Variants in WDR17 observed in about 807,000 individuals in gnomAD.
The protein encoded by WDR17 is WD repeat-containing protein 17.
WDR17 carries 143 observed loss-of-function variants against 161.7 expected under a neutral mutation model. The ratio of observed to expected loss-of-function variants is 0.88; its 90% confidence interval spans 0.77 to 1.02. WDR17 has a LOEUF of 1.02. Ranked by LOEUF, WDR17 falls within the 50% of genes least tolerant of loss-of-function variation. The probability of loss-of-function intolerance (pLI) is 0.00; values close to 1 mark genes in which losing one functional copy is unlikely to be tolerated. For missense variants in WDR17, 1,469 were observed against 1,520.9 expected, an observed-to-expected ratio of 0.97 and a Z score of 0.57; for synonymous variants, 517 against 515.6, an observed-to-expected ratio of 1.00 and a Z score of -0.04.
At position 176,137,530 on chromosome 4, in the gene WDR17, T is replaced by C; in HGVS notation, c.1278T>C (p.Asn426=). The part of the protein sequence containing the change: ...YSLSWAPGGL[N]CIAGGTSRNG... ...AAATTGTTTCCTAAGGTGGTTTAAA[T>C]TGTATTGCTGGGGGAACTTCCCGAA... Residue 426 remains asparagine, a synonymous_variant, in exon 9 of 29, where the codon AAT becomes AAC. Transcript: ENST00000508596. 1 of 1,602,502 alleles carries C rather than the reference T, an allele frequency of 6.2e-7. No homozygotes were observed. Among genetic ancestry groups the C allele is most frequent in the Non-Finnish European group, 8.5e-7 (1 of 1,172,608 alleles).
intron 7 of WDR17, 90 bp from the exon 8 acceptor site, chr4:176,135,018 C>A: frequency 7.6e-7 from 1 of 1,308,272 alleles, no homozygotes; most frequent in South Asian, 1.3e-5. Flanking sequence ...AAACCGTATA[C>A]ATGTGTCAAT....
At chr4:176,137,262 G>T (rs1344836116) in intron 8 of WDR17, among the ~76,000 whole-genome samples, 1 of 151,454 alleles carries the variant, frequency 6.6e-6, no homozygotes, top group Non-Finnish European at 1.5e-5. Flanking sequence ...TGCTGTCAGA[G>T]ATTTACTCCA....
At chr4:176,141,853 T>G (rs1202484359) in intron 10 of WDR17, 130 bp from the exon 11 acceptor site, 1 of 699,804 alleles carries the variant, frequency 1.4e-6, no homozygotes, top group Non-Finnish European at 2.3e-6. Context: ...TTTCAAATGT[T>G]CTTTTTGCTT....
chr4:176,111,741 G>T, intron 2 of WDR17, 38 bp downstream of exon 2: 1 of 1,480,554 alleles, frequency 6.8e-7, no homozygotes, highest in Non-Finnish European at 9.0e-7. Flanking sequence ...AATTATATCC[G>T]GTAAAATTAA....
intron 1 of WDR17, among the ~76,000 whole-genome samples, chr4:176,110,122 C>T (rs1739453110): frequency 6.6e-6 from 1 of 151,896 alleles, no homozygotes; most frequent in Non-Finnish European, 1.5e-5. Flanking sequence ...TTAGGAGCTC[C>T]TCTCTTTATT....
At chr4:176,165,694 C>G (rs1749674202) in intron 22 of WDR17, among the ~76,000 whole-genome samples, 1 of 152,108 alleles carries the variant, frequency 6.6e-6, no homozygotes, top group Admixed American at 6.6e-5. Context: ...AGTGGGTCAT[C>G]ATAAAGGTCT....
intron 11 of WDR17, among the ~76,000 whole-genome samples, chr4:176,145,658 AT>A (rs1490618549): frequency 6.6e-6 from 1 of 152,244 alleles, no homozygotes; most frequent in Non-Finnish European, 1.5e-5. Flanking sequence ...GTGTTGCAGA[AT>A]GTAAAGTTTG....
At chr4:176,071,330 C>T (rs1303952562) in intron 1 of WDR17, among the ~76,000 whole-genome samples, 2 of 143,570 alleles carry the variant, frequency 1.4e-5, no homozygotes, top group African/African-American at 5.1e-5. Flanking sequence ...TTTCTTTTCT[C>T]TTTTTTTTTT....
intron 6 of WDR17, 27 bp from the exon 7 acceptor site, chr4:176,131,527 A>G (rs759382985): frequency 3.2e-6 from 5 of 1,576,746 alleles, no homozygotes; most frequent in Middle Eastern, 1.7e-4. Flanking sequence ...TTTCATTCCA[A>G]TAGGATTTTT....
chr4:176,148,809 T>A (rs1273799926), intron 13 of WDR17, among the ~76,000 whole-genome samples: 1 of 152,246 alleles, frequency 6.6e-6, no homozygotes, highest in Admixed American at 6.5e-5. Flanking sequence ...CCCGTTTTTT[T>A]AATATAATTA....
Position 176,124,691 on chromosome 4 carries a change from GC to G in WDR17, c.539-412del, listed in dbSNP as rs1241481145. Among the ~76,000 whole-genome samples the G allele has an allele frequency of 2.0e-5, 3 of 152,168 alleles. No homozygotes were observed. The East Asian group carries it at 5.8e-4, about 29-fold the overall frequency. The stretch of plus-strand genomic sequence containing the variant: ...AGAAGCAGAACAGGATCGGAACCAG[GC>G]AGTCAGCCAGCTCTAACATTTATCC... On this transcript the variant is annotated intron_variant, in intron 4 of 28. Coordinates refer to ENST00000508596, the MANE Select transcript of WDR17 (RefSeq NM_181265.4).
Position 176,139,891 on chromosome 4 carries a change from G to A in WDR17, c.1360-1G>A, listed in dbSNP as rs750322133. On this transcript the variant is annotated splice_acceptor_variant, in intron 9 of 28. Coordinates refer to ENST00000508596, the MANE Select transcript of WDR17 (RefSeq NM_181265.4). LOFTEE classifies it high-confidence loss of function. ...TGATAGGTATTTTACATTTTTTGAAGCATGGAACAAATGGAATATTCTGCA... is the reference window on the plus strand; with the variant it reads ...TGATAGGTATTTTACATTTTTTGAAACATGGAACAAATGGAATATTCTGCA... 5 of 1,604,062 alleles carry A rather than the reference G, an allele frequency of 3.1e-6. No individual in the cohort carries two copies. In the African/African-American group the frequency reaches 6.7e-5, roughly 22 times the overall value.
chr4:176,123,706 T>C (rs947509592), intron 4 of WDR17, among the ~76,000 whole-genome samples: 2 of 152,250 alleles, frequency 1.3e-5, no homozygotes, highest in Non-Finnish European at 2.9e-5. Context: ...CTCCGTGTGC[T>C]CAGCTCTCTG....
rs988217043 is a variant in WDR17 at position 176,130,707 on chromosome 4, A to T, written c.914-847A>T. 4.9e-4 allele frequency among the ~76,000 whole-genome samples: 74 copies of T among 150,754 alleles called. 1 individual carries two copies. Among genetic ancestry groups the T allele is most frequent in the South Asian group, 1.7e-3 (8 of 4,766 alleles). On this transcript the variant is annotated intron_variant, in intron 6 of 28. Transcript: ENST00000508596. ...TTGCAGTGAGCCGAGATCATGCCAC[A>T]GCACTCCAGCCCGGGCAACAGAGCG...
chr4:176,158,308 C>T (rs1748479903), intron 18 of WDR17, among the ~76,000 whole-genome samples: 1 of 151,976 alleles, frequency 6.6e-6, no homozygotes. Context: ...GATGTGGGGA[C>T]TGAGAAAAGT....
At chr4:176,141,915 G>A (rs1745332089) in intron 10 of WDR17, 68 bp from the exon 11 acceptor site, 4 of 1,230,148 alleles carry the variant, frequency 3.3e-6, no homozygotes. Context: ...TTACAATTCT[G>A]ACTTTGTTTC....
intron 18 of WDR17, among the ~76,000 whole-genome samples, chr4:176,159,769 G>T (rs930442246): frequency 6.6e-6 from 1 of 152,092 alleles, no homozygotes; most frequent in African/African-American, 2.4e-5. Flanking sequence ...CATATTTTAT[G>T]TCATGTTCTA....
chr4:176,124,024 CAT>C (rs1742035421), intron 4 of WDR17, among the ~76,000 whole-genome samples: 2 of 152,328 alleles, frequency 1.3e-5, no homozygotes, highest in Admixed American at 6.5e-5. Context: ...GAAAACCAAA[CAT>C]ATATTTTACG....
intron 1 of WDR17, among the ~76,000 whole-genome samples, chr4:176,106,678 G>C (rs536218015): frequency 1.3e-5 from 2 of 152,188 alleles, no homozygotes; most frequent in African/African-American, 4.8e-5. Context: ...CACTGGCCAG[G>C]CATGGTGGCT....
Sources: gnomAD v4.1 joint callset for allele counts (sites outside exome capture counted in the v4.1 genomes callset) on GRCh38, gnomAD v4.1.1 for gene constraint, MANE v1.5 for transcripts, NCBI Gene and HGNC (gene_info 2026-07-23, HGNC 2026-07-21) for gene names.